The following C5orf34 variants were observed in gnomAD, a reference collection of about 807,000 sequenced individuals.
The protein encoded by C5orf34 is chromosome 5 open reading frame 34, also known as uncharacterized protein C5orf34.
A neutral mutation model predicts 78.4 loss-of-function variants in C5orf34; 73 were observed. That is an observed-to-expected ratio of 0.93 (90% CI 0.77 to 1.13). C5orf34 has a LOEUF of 1.13. C5orf34 is among the 50% of genes most tolerant of loss of function. C5orf34 has a pLI of 0.00. For synonymous variants in C5orf34, 251 were observed against 246.6 expected (o/e 1.02, Z -0.17); for missense variants, 730 against 732.7 (o/e 1.00, Z 0.04).
chr5:43,506,563 C>A (rs1745994916), intron 3 of C5orf34, among the ~76,000 whole-genome samples, 169 bp from the exon 4 acceptor site: 1 of 151,520 alleles, frequency 6.6e-6, no homozygotes, highest in Non-Finnish European at 1.5e-5. Flanking sequence ...TATGATTTTC[C>A]AGAGAATGTT....
At chr5:43,513,335 A>G (rs1209266468) in intron 1 of C5orf34, among the ~76,000 whole-genome samples, 3 of 152,172 alleles carry the variant, frequency 2.0e-5, no homozygotes, top group African/African-American at 7.2e-5. Flanking sequence ...AATCAAACTC[A>G]ACATAACTAA....
At chr5:43,487,656 T>C (rs749313797) in intron 12 of C5orf34, among the ~76,000 whole-genome samples, 11 of 152,090 alleles carry the variant, frequency 7.2e-5, no homozygotes, top group Admixed American at 1.3e-4. Flanking sequence ...TGAAAAAGTC[T>C]CCAAAGGAGA....
At chr5:43,495,006 C>T in intron 6 of C5orf34, 1 of 1,274,610 alleles carries the variant, frequency 7.8e-7, no homozygotes, top group Non-Finnish European at 1.1e-6. Flanking sequence ...CCAATTGAAA[C>T]AAACAGTTCT....
chr5:43,487,808 A>G, intron 12 of C5orf34, 101 bp downstream of exon 12: 1 of 862,832 alleles, frequency 1.2e-6, no homozygotes, highest in Non-Finnish European at 1.8e-6. Context: ...TTAGCAATAT[A>G]TTAAGTATAG....
In C5orf34 at chr5:43,502,512, AC is replaced by A. The variant is rs1485564545; in HGVS notation, c.1029-18del. The A allele has an allele frequency of 6.7e-7, 1 of 1,486,990 alleles. No homozygotes were observed. The highest frequency in any genetic ancestry group is 2.3e-5 in the East Asian group (1 of 43,896). The allele number at this position is 1,486,990 out of a possible 1,614,324, so 92.1% of individuals were successfully genotyped here. On this transcript the variant is annotated intron_variant, in intron 5 of 12. Transcript: ENST00000306862. ...TGGGTAAGTCTAAGAAATAGAAATAACCATTAAAAATTTTTTTCCACTTGAG... is the reference window on the plus strand; with the variant it reads ...TGGGTAAGTCTAAGAAATAGAAATAACATTAAAAATTTTTTTCCACTTGAG...
At chr5:43,497,713 A>G (rs1015403008) in intron 6 of C5orf34, among the ~76,000 whole-genome samples, 1 of 152,230 alleles carries the variant, frequency 6.6e-6, no homozygotes, top group African/African-American at 2.4e-5. Flanking sequence ...AATTTAGCAT[A>G]TAATAGGTAC....
chr5:43,496,056 C>G (rs1004779728), intron 6 of C5orf34: 39 of 1,583,292 alleles, frequency 2.5e-5, no homozygotes, highest in Non-Finnish European at 3.3e-5. Flanking sequence ...AGGGCATGCT[C>G]TCAGGTCTGC....
chr5:43,507,853 C>T (rs969765798), intron 3 of C5orf34, among the ~76,000 whole-genome samples: 9 of 151,806 alleles, frequency 5.9e-5, no homozygotes, highest in South Asian at 4.1e-4. Flanking sequence ...CTGAGGCGGG[C>T]GGATCACGAG....
intron 11 of C5orf34, among the ~76,000 whole-genome samples, chr5:43,488,781 T>G (rs1218666791): frequency 6.6e-6 from 1 of 152,104 alleles, no homozygotes; most frequent in Non-Finnish European, 1.5e-5. Flanking sequence ...CAAGTTAGAA[T>G]GAAATATGAG....
intron 3 of C5orf34, among the ~76,000 whole-genome samples, chr5:43,507,653 G>C (rs1328839471): frequency 6.6e-6 from 1 of 152,216 alleles, no homozygotes; most frequent in Non-Finnish European, 1.5e-5. Context: ...GCATAGAAAG[G>C]TAGCAGAAAG....
intron 12 of C5orf34, 138 bp downstream of exon 12, chr5:43,487,771 C>T (rs934144923): frequency 1.4e-5 from 9 of 648,100 alleles, no homozygotes; most frequent in East Asian, 2.9e-5. Context: ...AAATTACAAT[C>T]TTAGGTATTT....
intron 10 of C5orf34, 119 bp downstream of exon 10, chr5:43,492,096 C>T (rs2096027806): frequency 5.0e-6 from 3 of 600,420 alleles, no homozygotes; most frequent in Middle Eastern, 4.7e-4. Context: ...GAAATGCCTT[C>T]ATTATTATCC....
intron 1 of C5orf34, among the ~76,000 whole-genome samples, chr5:43,509,769 T>C (rs1259818053): frequency 6.6e-6 from 1 of 152,202 alleles, no homozygotes; most frequent in Non-Finnish European, 1.5e-5. Context: ...TTTTTGTTTT[T>C]TTTTGAGATG....
chr5:43,505,944 C>G lies in C5orf34; in HGVS notation c.736G>C (p.Ala246Pro), dbSNP rs778203688. 1.2e-5 allele frequency: 20 copies of G among 1,614,144 alleles called. No individual in the cohort carries two copies. The highest frequency in any genetic ancestry group is 1.7e-5 in the Non-Finnish European group (20 of 1,180,026). ...TWVKQCWSVA[A>P]CPEEWKYPLS... is the part of the protein sequence containing the mutation. ...GGATATTTCCATTCCTCTGGACAGG[C>G]AGCCACAGACCAGCACTGCTTGACC... The change falls in exon 4 of 13, where the codon GCC becomes CCC. Residue 246 changes from alanine to proline, a missense_variant. Ala to Pro is a conservative substitution (Grantham distance 27). Coordinates refer to ENST00000306862, the MANE Select transcript of C5orf34 (RefSeq NM_198566.4).
chr5:43,496,556 T>G, intron 6 of C5orf34: 5 of 769,352 alleles, frequency 6.5e-6, no homozygotes, highest in Non-Finnish European at 9.5e-6. Flanking sequence ...ATAGAATTAC[T>G]CCTATTCATT....
intron 3 of C5orf34, 152 bp from the exon 4 acceptor site, chr5:43,506,546 G>T: frequency 1.5e-6 from 1 of 662,402 alleles, no homozygotes. Context: ...CCAGATCTCA[G>T]CCTATATATG....
At chr5:43,496,645 A>T (rs1257363048) in intron 6 of C5orf34, among the ~76,000 whole-genome samples, 1 of 142,796 alleles carries the variant, frequency 7.0e-6, no homozygotes, top group African/African-American at 2.8e-5. Flanking sequence ...GCTGGAGTAC[A>T]GTGGCGCAAT....
At chr5:43,509,780 G>A (rs1746146985) in intron 1 of C5orf34, among the ~76,000 whole-genome samples, 1 of 151,774 alleles carries the variant, frequency 6.6e-6, no homozygotes, top group Admixed American at 6.6e-5. Context: ...TTTTGAGATG[G>A]AGTCTCGCTC....
At chr5:43,505,643 T>C (rs1745946994) in intron 4 of C5orf34, 105 bp downstream of exon 4, 1 of 1,230,590 alleles carries the variant, frequency 8.1e-7, no homozygotes, top group Non-Finnish European at 1.1e-6. Context: ...AAATTTTGGA[T>C]GAGATAAACT....
Sources: allele counts gnomAD v4.1 joint callset (sites outside exome capture counted in the v4.1 genomes callset), GRCh38; gene constraint gnomAD v4.1.1; transcripts MANE v1.5; gene names NCBI Gene and HGNC (gene_info 2026-07-23, HGNC 2026-07-21).